The following SENP7 variants were observed in gnomAD, a reference collection of about 807,000 sequenced individuals.
SENP7 encodes SUMO specific peptidase 7, also known as sentrin-specific protease 7.
A neutral mutation model predicts 141.2 loss-of-function variants in SENP7; 64 were observed. The ratio of observed to expected loss-of-function variants is 0.45; its 90% CI spans 0.37 to 0.56. SENP7 has a LOEUF of 0.56. Ranked by LOEUF, SENP7 falls within the 20% of genes least tolerant of loss-of-function variation. The pLI, the probability that SENP7 is intolerant of heterozygous loss-of-function variation, is 0.00. For synonymous variants in SENP7, 382 were observed against 426.4 expected, an observed-to-expected ratio of 0.90 and a Z score of 1.28; for missense variants, 1,025 against 1,212.2, an observed-to-expected ratio of 0.85 and a Z score of 2.29.
At chr3:101,441,681 T>C (rs2062680260) in intron 4 of SENP7, among the ~76,000 whole-genome samples, 1 of 152,072 alleles carries the variant, frequency 6.6e-6, no homozygotes, top group African/African-American at 2.4e-5. Context: ...AGAACTGACC[T>C]GCCTGGACCC....
intron 19 of SENP7, 104 bp from the exon 20 acceptor site, chr3:101,330,490 C>A: frequency 1.6e-6 from 1 of 614,330 alleles, no homozygotes; most frequent in Non-Finnish European, 2.8e-6. Context: ...ACTGGATGCA[C>A]AGTAAAAATA....
intron 6 of SENP7, among the ~76,000 whole-genome samples, chr3:101,397,278 T>C (rs926756403): frequency 6.6e-6 from 1 of 152,260 alleles, no homozygotes; most frequent in South Asian, 2.1e-4. Flanking sequence ...ACTACAAGCA[T>C]GCACCATCAC....
chr3:101,374,083 C>T (rs1415582031), intron 6 of SENP7, among the ~76,000 whole-genome samples: 2 of 152,154 alleles, frequency 1.3e-5, no homozygotes, highest in East Asian at 1.9e-4. Flanking sequence ...ATTAAAATAG[C>T]GTGGTACTAG....
chr3:101,433,095 C>T (rs971420861), intron 4 of SENP7, among the ~76,000 whole-genome samples: 14 of 151,972 alleles, frequency 9.2e-5, no homozygotes, highest in Non-Finnish European at 1.8e-4. Context: ...ATAGAAGCAA[C>T]AAAAAAGTTA....
intron 17 of SENP7, 45 bp from the exon 18 acceptor site, chr3:101,332,907 T>G (rs2059092626): frequency 1.3e-6 from 2 of 1,535,408 alleles, no homozygotes; most frequent in African/African-American, 1.4e-5. Context: ...ATTTTTTCAT[T>G]TAAGATAGGG....
At chr3:101,375,089 T>TA (rs201532571) in intron 6 of SENP7, among the ~76,000 whole-genome samples, 2 of 151,704 alleles carry the variant, frequency 1.3e-5, no homozygotes, top group African/African-American at 2.4e-5. Context: ...CAGAGTAATT[T>TA]AAAAAAAAAT....
chr3:101,427,270 C>A (rs1480730984), intron 4 of SENP7, among the ~76,000 whole-genome samples: 2 of 152,062 alleles, frequency 1.3e-5, no homozygotes, highest in Non-Finnish European at 2.9e-5. Flanking sequence ...AAGAGGATTG[C>A]CTGAGCTCAG....
At position 101,337,125 on chromosome 3, in the gene SENP7, T is replaced by C. The variant is rs566324706; in HGVS notation, c.2480+384A>G. On this transcript the variant is annotated intron_variant, in intron 17 of 23. Transcript: ENST00000394095. ...GAGGGCAAAGAGAGGAAGCAGTACC[T>C]CCAGATGAAAGCTGGAGTTATAGCA... 56 of 153,726 alleles carry C rather than the reference T, an allele frequency of 3.6e-4. 2 individuals are homozygous for C. The South Asian group carries it at 0.012, about 32-fold the overall frequency. The allele number at this position is 153,726 out of a possible 1,614,324, so 9.5% of individuals were successfully genotyped here.
At chr3:101,358,066 T>C in intron 11 of SENP7, 1 of 628,688 alleles carries the variant, frequency 1.6e-6, no homozygotes, top group South Asian at 1.7e-5. Flanking sequence ...TTATTAAACA[T>C]GAGATAATTC....
intron 6 of SENP7, among the ~76,000 whole-genome samples, chr3:101,397,946 G>A (rs1478283400): frequency 1.3e-5 from 2 of 152,134 alleles, no homozygotes; most frequent in African/African-American, 4.8e-5. Context: ...CTTATTTCCA[G>A]TCCACACACA....
intron 12 of SENP7, among the ~76,000 whole-genome samples, chr3:101,349,046 A>G (rs534212712): frequency 3.9e-5 from 6 of 152,300 alleles, no homozygotes; most frequent in African/African-American, 1.4e-4. Context: ...AATGCAGAGT[A>G]TCAGGCCCCA....
At chr3:101,342,786 C>T (rs1452104475) in intron 14 of SENP7, among the ~76,000 whole-genome samples, 1 of 151,956 alleles carries the variant, frequency 6.6e-6, no homozygotes, top group Non-Finnish European at 1.5e-5. Flanking sequence ...CTGCCTCAGC[C>T]GCCTGAGTAA....
At chr3:101,510,108 CTA>C (rs2065788325) in intron 1 of SENP7, among the ~76,000 whole-genome samples, 1 of 152,200 alleles carries the variant, frequency 6.6e-6, no homozygotes, top group Admixed American at 6.5e-5. Context: ...AAATTGCAGT[CTA>C]TGATTCTAAT....
chr3:101,448,441 C>CTCAAAATGACA (rs1218385129), intron 4 of SENP7, among the ~76,000 whole-genome samples: 1 of 152,180 alleles, frequency 6.6e-6, no homozygotes, highest in Admixed American at 6.5e-5. Context: ...GTAGACAATT[C>CTCAAAATGACA]TCAAAATGAC....
intron 6 of SENP7, among the ~76,000 whole-genome samples, chr3:101,385,579 T>C (rs2060630282): frequency 6.6e-6 from 1 of 152,156 alleles, no homozygotes; most frequent in Non-Finnish European, 1.5e-5. Context: ...AGCCAGAGAA[T>C]ACATCTTGTG....
intron 11 of SENP7, among the ~76,000 whole-genome samples, chr3:101,356,710 C>G (rs1323736592): frequency 6.6e-6 from 1 of 151,700 alleles, no homozygotes; most frequent in Non-Finnish European, 1.5e-5. Context: ...CTGGTGTTTT[C>G]TAAGCAGTAA....
intron 6 of SENP7, among the ~76,000 whole-genome samples, chr3:101,380,161 GT>G (rs2060455607): frequency 2.6e-5 from 4 of 152,126 alleles, no homozygotes; most frequent in Admixed American, 2.6e-4. Flanking sequence ...GGCTGTCAGG[GT>G]TTAGGGGGAG....
At chr3:101,354,571 C>T (rs964282530) in intron 11 of SENP7, among the ~76,000 whole-genome samples, 9 of 151,988 alleles carry the variant, frequency 5.9e-5, no homozygotes, top group South Asian at 2.1e-4. Context: ...TCCACATTCC[C>T]GCAAAAGACA....
At chr3:101,500,458 G>A (rs977238779) in intron 2 of SENP7, among the ~76,000 whole-genome samples, 8 of 152,042 alleles carry the variant, frequency 5.3e-5, no homozygotes, top group African/African-American at 1.4e-4. Context: ...ATGGGAGGCT[G>A]AGGCAGGAGG....
Sources: gnomAD v4.1 joint callset for allele counts (sites outside exome capture counted in the v4.1 genomes callset) on GRCh38, gnomAD v4.1.1 for gene constraint, MANE v1.5 for transcripts, NCBI Gene and HGNC (gene_info 2026-07-23, HGNC 2026-07-21) for gene names.